The following GNAL variants were observed in gnomAD, a reference collection of about 807,000 sequenced individuals.
GNAL encodes the protein G protein subunit alpha L.
In GNAL, 18 loss-of-function variants were observed where a neutral mutation model predicts 55.1. The observed-to-expected ratio is 0.33, with a 90% CI of 0.23 to 0.48. The LOEUF (loss-of-function observed/expected upper bound fraction) is 0.48, where lower values mean the gene tolerates loss of function less well. Among genes scored for constraint, GNAL ranks in the 20% least tolerant of loss-of-function variants. The probability of loss-of-function intolerance (pLI) is 0.99; values close to 1 mark genes in which losing one functional copy is unlikely to be tolerated. For missense variants in GNAL, 412 were observed against 614.1 expected, an observed-to-expected ratio of 0.67 and a Z score of 3.48; for synonymous variants, 253 against 237.0, an observed-to-expected ratio of 1.07 and a Z score of -0.62.
In GNAL at chr18:11,848,622, A is replaced by G. The variant is rs138504046; in HGVS notation, c.723-13773A>G. On this transcript the variant is annotated intron_variant, in intron 5 of 11. Transcript: ENST00000334049. ...CAGGCATGCACCACCACACCCAGCT[A>G]ATTTTTGTATTTTTAGTAGAGACGG... Among the ~76,000 whole-genome samples the G allele has an allele frequency of 1.9e-3, 291 of 151,730 alleles. 3 individuals carry two copies. The highest frequency in any genetic ancestry group is 6.7e-3 in the African/African-American group (277 of 41,372).
chr18:11,754,726 G>A (rs1327528669), intron 4 of GNAL, among the ~76,000 whole-genome samples: 1 of 152,216 alleles, frequency 6.6e-6, no homozygotes, highest in Admixed American at 6.5e-5. Flanking sequence ...TATAAAAAAT[G>A]ATAGCATGGA....
intron 5 of GNAL, among the ~76,000 whole-genome samples, chr18:11,847,155 A>G (rs1054234242): frequency 1.4e-4 from 21 of 152,184 alleles, no homozygotes; most frequent in African/African-American, 4.8e-4. Context: ...TTTATTGGGT[A>G]TCTGTTTTCC....
chr18:11,701,561 CAAAAAAA>C (rs36089846), intron 1 of GNAL, among the ~76,000 whole-genome samples: 1 of 56,384 alleles, frequency 1.8e-5, no homozygotes, highest in Non-Finnish European at 3.8e-5. Context: ...GCAAGAATCT[CAAAAAAA>C]AAAAAAAAAA....
chr18:11,851,422 G>C, intron 5 of GNAL: 3 of 1,411,804 alleles, frequency 2.1e-6, no homozygotes, highest in South Asian at 1.5e-5. Context: ...CCAAAACAAA[G>C]GAGCGGCGGC....
At chr18:11,737,741 C>T (rs1223948802) in intron 1 of GNAL, among the ~76,000 whole-genome samples, 1 of 152,192 alleles carries the variant, frequency 6.6e-6, no homozygotes, top group Non-Finnish European at 1.5e-5. Context: ...AAGCCCTGTG[C>T]TGGGCACAGG....
intron 1 of GNAL, among the ~76,000 whole-genome samples, chr18:11,707,974 A>G (rs1291825627): frequency 5.3e-5 from 8 of 152,220 alleles, no homozygotes; most frequent in African/African-American, 1.9e-4. Flanking sequence ...CCTTGTTCCA[A>G]CTTAGGCTTT....
At chr18:11,832,795 G>A (rs916561998) in intron 5 of GNAL, among the ~76,000 whole-genome samples, 73 of 151,864 alleles carry the variant, frequency 4.8e-4, no homozygotes, top group African/African-American at 1.7e-3. Context: ...GGGAGGCAGA[G>A]GTTTCAGTGA....
intron 1 of GNAL, 75 bp downstream of exon 1, chr18:11,690,014 G>T (rs1184548910): frequency 7.8e-6 from 7 of 897,236 alleles, no homozygotes; most frequent in Non-Finnish European, 2.9e-6. Flanking sequence ...GGGCACCGGG[G>T]AGCGGTGGCG....
intron 1 of GNAL, among the ~76,000 whole-genome samples, chr18:11,716,624 C>G (rs916706291): frequency 2.6e-5 from 4 of 152,172 alleles, no homozygotes; most frequent in Non-Finnish European, 5.9e-5. Context: ...CTGAGCTAGA[C>G]ACAAAGGTTC....
Position 11,884,235 on chromosome 18 carries a change from A to G in GNAL, c.*3100A>G, listed in dbSNP as rs2036844832. The G allele has an allele frequency of 3.7e-6, 2 of 545,116 alleles. No homozygotes were observed. Among genetic ancestry groups the G allele is most frequent in the Admixed American group, 6.3e-5 (2 of 31,892 alleles). The allele number at this position is 545,116 out of a possible 1,614,324, so 33.8% of individuals were successfully genotyped here. A position where few individuals can be genotyped will look rare whatever the true frequency, so the allele number is the denominator to read the frequency against. ...ATATATTTGATAAAAATGAGAAAACAGATTTGTTGTAGAGTACCTGTCCAC... is the reference window on the plus strand; with the variant it reads ...ATATATTTGATAAAAATGAGAAAACGGATTTGTTGTAGAGTACCTGTCCAC... On this transcript the variant is annotated 3_prime_UTR_variant, in exon 12 of 12. Coordinates refer to ENST00000334049, the MANE Select transcript of GNAL (RefSeq NM_182978.4).
chr18:11,769,880 A>G (rs59870994), intron 4 of GNAL, among the ~76,000 whole-genome samples: 10,697 of 152,244 alleles, frequency 0.07, 591 homozygotes, highest in African/African-American at 0.15. Flanking sequence ...CAGAGGCTGA[A>G]TCATGCACAA....
chr18:11,858,239 T>A (rs1418755706), intron 5 of GNAL, among the ~76,000 whole-genome samples: 1 of 151,716 alleles, frequency 6.6e-6, no homozygotes, highest in Non-Finnish European at 1.5e-5. Context: ...ATGAGTGTCC[T>A]CAGCTGTCAC....
intron 10 of GNAL, among the ~76,000 whole-genome samples, chr18:11,875,960 GTC>G (rs139691947): frequency 0.06 from 9,112 of 152,212 alleles, 389 homozygotes; most frequent in Non-Finnish European, 0.089. Context: ...AGGGTGAGGG[GTC>G]TCTCTCAGGC....
intron 1 of GNAL, among the ~76,000 whole-genome samples, chr18:11,723,369 T>TA (rs1162820949): frequency 2.6e-5 from 4 of 152,200 alleles, no homozygotes; most frequent in Non-Finnish European, 5.9e-5. Context: ...TTAAAAAATG[T>TA]AAAAATCATT....
At chr18:11,773,272 A>G (rs1396555613) in intron 4 of GNAL, among the ~76,000 whole-genome samples, 3 of 152,210 alleles carry the variant, frequency 2.0e-5, no homozygotes, top group African/African-American at 7.2e-5. Flanking sequence ...CTTACCTACA[A>G]TTGCAACAAC....
In GNAL at chr18:11,828,698, G is replaced by A. The variant is rs572257804; in HGVS notation, c.722+3683G>A. ...ATGGACAAGTTATTCCTGCATCACC[G>A]TAGTAATAGAATTAATAATTTGATT... On this transcript the variant is annotated intron_variant, in intron 5 of 11. Transcript: ENST00000334049. Among the ~76,000 whole-genome samples the A allele has an allele frequency of 2.4e-4, 36 of 151,860 alleles. 1 individual carries two copies. The East Asian group carries it at 4.4e-3, about 19-fold the overall frequency.
At chr18:11,722,590 G>A (rs563285974) in intron 1 of GNAL, among the ~76,000 whole-genome samples, 1 of 152,336 alleles carries the variant, frequency 6.6e-6, no homozygotes, top group East Asian at 1.9e-4. Context: ...TAAAATGTTG[G>A]CTGGGTGCGG....
intron 1 of GNAL, among the ~76,000 whole-genome samples, chr18:11,725,248 A>T (rs2032186921): frequency 6.6e-6 from 1 of 152,134 alleles, no homozygotes; most frequent in Admixed American, 6.5e-5. Context: ...TGAGATTAGG[A>T]TGGACCCTAA....
intron 5 of GNAL, among the ~76,000 whole-genome samples, chr18:11,840,782 C>T (rs751582848): frequency 1.3e-5 from 2 of 152,084 alleles, no homozygotes; most frequent in Non-Finnish European, 2.9e-5. Context: ...ACCCGGAGGC[C>T]TCCAGTGAGC....
Sources: allele counts gnomAD v4.1 joint callset (sites outside exome capture counted in the v4.1 genomes callset), GRCh38; gene constraint gnomAD v4.1.1; transcripts MANE v1.5; gene names NCBI Gene and HGNC (gene_info 2026-07-23, HGNC 2026-07-21).